Variants in MYH11 observed in about 807,000 individuals in gnomAD.
MYH11 encodes the protein myosin heavy chain 11.
In MYH11, 80 loss-of-function variants were observed where a neutral mutation model predicts 246.6. The ratio of observed to expected loss-of-function variants is 0.32; its 90% CI spans 0.27 to 0.39. MYH11 has a LOEUF of 0.39. Ranked by LOEUF, MYH11 falls within the 10% of genes least tolerant of loss-of-function variation. The probability of loss-of-function intolerance (pLI) is 1.00; values close to 1 mark genes in which losing one functional copy is unlikely to be tolerated. For missense variants in MYH11, 2,158 were observed against 2,546.8 expected, an observed-to-expected ratio of 0.85 and a Z score of 3.29; for synonymous variants, 1,071 against 1,015.5, an observed-to-expected ratio of 1.05 and a Z score of -1.04.
intron 30 of MYH11, 111 bp downstream of exon 30, chr16:15,724,536 G>T: frequency 6.2e-7 from 1 of 1,603,460 alleles, no homozygotes; most frequent in Non-Finnish European, 8.5e-7. Context: ...AGGGGAAGCT[G>T]GGGGGTCAAG....
intron 38 of MYH11, 94 bp from the exon 39 acceptor site, chr16:15,715,366 T>A: frequency 8.8e-7 from 1 of 1,133,998 alleles, no homozygotes; most frequent in Non-Finnish European, 1.3e-6. Flanking sequence ...AGTGCTTTCC[T>A]GAGCCCCGTA....
chr16:15,758,017 G>A lies in MYH11; in HGVS notation c.1402-17C>T. On this transcript the variant is annotated splice_polypyrimidine_tract_variant and intron_variant, in intron 12 of 40. Coordinates refer to ENST00000300036, the MANE Select transcript of MYH11 (RefSeq NM_002474.3). ...GGAGTTCACCTGAGCACATGGCGTG[G>A]GGGCGGGGCGTGAGCATCTTGGTAT... is the stretch of plus-strand genomic sequence containing the variant. The A allele has an allele frequency of 1.2e-6, 2 of 1,613,060 alleles. No homozygotes were observed. The highest frequency in any genetic ancestry group is 1.7e-6 in the Non-Finnish European group (2 of 1,180,020).
intron 31 of MYH11, 109 bp from the exon 32 acceptor site, chr16:15,721,743 G>A (rs2040496832): frequency 1.8e-6 from 2 of 1,113,374 alleles, no homozygotes; most frequent in Non-Finnish European, 2.7e-6. Context: ...TGAGGTGCAG[G>A]TGTAAGCAGT....
chr16:15,807,941 T>C (rs1173431922), intron 3 of MYH11, among the ~76,000 whole-genome samples: 1 of 152,174 alleles, frequency 6.6e-6, no homozygotes, highest in East Asian at 1.9e-4. Context: ...CAGAGCACTG[T>C]AGGCTGACCA....
chr16:15,726,982 C>G lies in MYH11; in HGVS notation c.3724G>C (p.Val1242Leu). The change falls in exon 28 of 41, where the codon GTC becomes CTC. Residue 1242 changes from valine to leucine, a missense_variant. Around this residue, in one of 11 missense-constraint regions of MYH11, gnomAD observed 1,013 missense variants for 993.5 expected, o/e 1.02. Transcript: ENST00000300036. Reference sequence around the variant, plus strand: ...ACCTCCTGCTTGGCCTGGCCCAGGACCCGCAGCTCCCCGGCCAGGTCTGCG... The same window carrying G: ...ACCTCCTGCTTGGCCTGGCCCAGGAGCCGCAGCTCCCCGGCCAGGTCTGCG... Reference protein sequence around the residue: ...ENADLAGELRVLGQAKQEVEH... With the variant: ...ENADLAGELRLLGQAKQEVEH... The G allele has an allele frequency of 6.2e-7, 1 of 1,611,954 alleles. No homozygotes were observed. The highest frequency in any genetic ancestry group is 8.5e-7 in the Non-Finnish European group (1 of 1,178,808).
Position 15,759,566 on chromosome 16 carries a change from C to T in MYH11, c.1401+10G>A, listed in dbSNP as rs375209947. On this transcript the variant is annotated intron_variant, in intron 12 of 40. Coordinates refer to ENST00000300036, the MANE Select transcript of MYH11 (RefSeq NM_002474.3). ...AAGACCATGGCTCTTAGGATCCCAC[C>T]GAGCTGTACCTCAAAGATCTCAAAT... 40 of 1,614,042 alleles carry T rather than the reference C, an allele frequency of 2.5e-5. No homozygotes were observed. Among genetic ancestry groups the T allele is most frequent in the African/African-American group, 2.7e-5 (2 of 74,912 alleles).
At chr16:15,771,198 C>T (rs574235545) in intron 9 of MYH11, among the ~76,000 whole-genome samples, 3 of 151,822 alleles carry the variant, frequency 2.0e-5, no homozygotes, top group Non-Finnish European at 2.9e-5. Flanking sequence ...CAGGGTTTCA[C>T]CAAATTGACC....
intron 34 of MYH11, 22 bp from the exon 35 acceptor site, chr16:15,719,735 A>G (rs1345413757): frequency 6.2e-7 from 1 of 1,613,836 alleles, no homozygotes; most frequent in Non-Finnish European, 8.5e-7. Flanking sequence ...AACAGGGAGG[A>G]CAAGCTCAGA....
At chr16:15,826,146 A>G (rs7184181) in intron 2 of MYH11, among the ~76,000 whole-genome samples, 17,188 of 127,230 alleles carry the variant, frequency 0.14, 1,014 homozygotes, top group Middle Eastern at 0.16. Flanking sequence ...TCGTTCGTTC[A>G]TTCATTCATT....
chr16:15,707,950 A>G (rs1184982828), intron 40 of MYH11, among the ~76,000 whole-genome samples: 1 of 117,922 alleles, frequency 8.5e-6, no homozygotes, highest in African/African-American at 3.4e-5. Context: ...CCAGAGCGAG[A>G]CTCCGTCTCA....
At chr16:15,705,950 A>C (rs1438685240) in intron 40 of MYH11, among the ~76,000 whole-genome samples, 1 of 135,950 alleles carries the variant, frequency 7.4e-6, no homozygotes, top group Non-Finnish European at 1.5e-5. Context: ...TGGCCACTGC[A>C]CTCCAGCCTA....
intron 27 of MYH11, among the ~76,000 whole-genome samples, chr16:15,731,245 G>A (rs1367698656): frequency 6.6e-6 from 1 of 152,112 alleles, no homozygotes; most frequent in Non-Finnish European, 1.5e-5. Flanking sequence ...ATATTGATAG[G>A]CCCCACCCAT....
intron 40 of MYH11, among the ~76,000 whole-genome samples, chr16:15,710,234 C>A (rs2151177945): frequency 6.6e-6 from 1 of 152,280 alleles, no homozygotes; most frequent in Non-Finnish European, 1.5e-5. Flanking sequence ...TAAAGAATCA[C>A]TGGGCCGGCC....
chr16:15,770,567 C>T (rs552542216), intron 9 of MYH11, among the ~76,000 whole-genome samples: 9 of 152,118 alleles, frequency 5.9e-5, no homozygotes, highest in Admixed American at 4.6e-4. Flanking sequence ...CAGAGCAACC[C>T]CTCCAGGAAA....
In MYH11 at chr16:15,750,659, G is replaced by A. The variant is rs1008829361; in HGVS notation, c.1865-328C>T. On this transcript the variant is annotated intron_variant, in intron 15 of 40. Coordinates refer to ENST00000300036, the MANE Select transcript of MYH11 (RefSeq NM_002474.3). The surrounding 1 kb of genome is among the most constrained non-coding windows in gnomAD (Gnocchi z 4.3). ...TCTACAAAAGGGAGGTAATAATACC[G>A]TCTACCTTCTAGGGCAGGGGTAAAA... 3.9e-5 allele frequency among the ~76,000 whole-genome samples: 6 copies of A among 151,912 alleles called. No individual in the cohort carries two copies. In the East Asian group the frequency reaches 5.8e-4, roughly 15 times the overall value.
At chr16:15,852,463 G>T (rs1292204669) in intron 1 of MYH11, among the ~76,000 whole-genome samples, 1 of 151,134 alleles carries the variant, frequency 6.6e-6, no homozygotes, top group Non-Finnish European at 1.5e-5. Flanking sequence ...CTCCCGAGTA[G>T]CTGGGATTAC....
At chr16:15,723,347 T>C (rs1164631958) in intron 31 of MYH11, among the ~76,000 whole-genome samples, 1 of 152,156 alleles carries the variant, frequency 6.6e-6, no homozygotes, top group Non-Finnish European at 1.5e-5. Context: ...AGAATTAGTC[T>C]TTATAAATAA....
intron 2 of MYH11, among the ~76,000 whole-genome samples, chr16:15,824,093 G>A (rs2043493748): frequency 1.3e-5 from 2 of 149,966 alleles, no homozygotes; most frequent in East Asian, 1.9e-4. Flanking sequence ...TTTTTTGGAT[G>A]CTGACAATCA....
intron 8 of MYH11, chr16:15,775,835 C>G (rs1567751235): frequency 3.4e-6 from 2 of 583,308 alleles, no homozygotes; most frequent in African/African-American, 3.7e-5. Flanking sequence ...CATTAATGAT[C>G]TAATGTCTAA....
Sources: allele counts gnomAD v4.1 joint callset (sites outside exome capture counted in the v4.1 genomes callset), GRCh38; gene constraint gnomAD v4.1.1; regional missense constraint gnomAD v4.1.1; non-coding constraint Gnocchi (gnomAD v3.1); transcripts MANE v1.5; gene names NCBI Gene and HGNC (gene_info 2026-07-23, HGNC 2026-07-21).